Variants in CELA3B observed in about 807,000 individuals in gnomAD.
The protein encoded by CELA3B is chymotrypsin like elastase 3B.
A neutral mutation model predicts 37.2 loss-of-function variants in CELA3B; 34 were observed. The ratio of observed to expected loss-of-function variants is 0.91; its 90% CI spans 0.70 to 1.22. The LOEUF (loss-of-function observed/expected upper bound fraction) is 1.22, where lower values mean the gene tolerates loss of function less well. Ranked by LOEUF, CELA3B falls within the 50% of genes most tolerant of loss-of-function variation. The pLI is 0.00. For synonymous variants in CELA3B, 127 were observed against 143.5 expected, an observed-to-expected ratio of 0.89 and a Z score of 0.82; for missense variants, 340 against 363.1, an observed-to-expected ratio of 0.94 and a Z score of 0.52.
intron 6 of CELA3B, among the ~76,000 whole-genome samples, chr1:21,985,340 C>T (rs1644831340): frequency 6.6e-6 from 1 of 151,192 alleles, no homozygotes; most frequent in African/African-American, 2.4e-5. Flanking sequence ...TGCAGTAACG[C>T]CATCACAGCC....
chr1:21,984,037 G>A (rs1557865909), intron 5 of CELA3B, 152 bp from the exon 6 acceptor site: 5 of 1,241,268 alleles, frequency 4.0e-6, no homozygotes, highest in East Asian at 2.3e-5. Flanking sequence ...TGCTAGGGAT[G>A]TAATGGTGCA....
rs140887498 is a variant in CELA3B at position 21,984,203 on chromosome 1, C to T, written c.514C>T (p.Pro172Ser). 1.8e-4 allele frequency: 293 copies of T among 1,613,832 alleles called. No homozygotes were observed. In the African/African-American group the frequency reaches 3.5e-3, roughly 19 times the overall value. The part of the protein sequence containing the change: ...WGRLYTNGPL[P>S]DKLQEALLPV... ...TATCGCTGCAGCCAACGGGCCACTCCCAGACAAGCTGCAGGAGGCCCTGCT... is the reference window on the plus strand; with the variant it reads ...TATCGCTGCAGCCAACGGGCCACTCTCAGACAAGCTGCAGGAGGCCCTGCT... Residue 172 changes from proline to serine, a missense_variant, in exon 6 of 8, where the codon CCA (proline) becomes TCA (serine). Pro to Ser is a moderately conservative substitution (Grantham distance 74). Coordinates refer to ENST00000337107, the MANE Select transcript of CELA3B (RefSeq NM_007352.4).
At position 21,984,269 on chromosome 1, in the gene CELA3B, T is replaced by C. The variant is rs754876226; in HGVS notation, c.580T>C (p.Trp194Arg). Residue 194 changes from tryptophan to arginine, a missense_variant, in exon 6 of 8, where the codon TGG (tryptophan) becomes CGG (arginine). Physicochemically the swap from Trp to Arg is moderately radical, Grantham distance 101. Transcript: ENST00000337107. The stretch of plus-strand genomic sequence containing the variant: ...TGAACACTGCTCCAGGTGGAACTGG[T>C]GGGGTTCCTCCGTGAAGAAGACCAT... ...DYEHCSRWNW[W>R]GSSVKKTMVC... 1.9e-6 allele frequency: 3 copies of C among 1,614,134 alleles called. No individual in the cohort carries two copies. Among genetic ancestry groups the C allele is most frequent in the Non-Finnish European group, 2.5e-6 (3 of 1,180,010 alleles).
At position 21,981,191 on chromosome 1, in the gene CELA3B, C is replaced by T. The variant is rs1266431556; in HGVS notation, c.362+19C>T. On this transcript the variant is annotated intron_variant, in intron 4 of 7. Transcript: ENST00000337107. ...CCTGTGGGTGAGTGAATGCTCCGGT[C>T]TGGAACCCAGAGGCTCCTCTACTCA... 6.2e-7 allele frequency: 1 copy of T among 1,609,728 alleles called. No homozygotes were observed. The highest frequency in any genetic ancestry group is 8.5e-7 in the Non-Finnish European group (1 of 1,179,194).
intron 4 of CELA3B, among the ~76,000 whole-genome samples, chr1:21,981,624 C>A (rs1042693143): frequency 4.6e-5 from 7 of 152,008 alleles, no homozygotes; most frequent in South Asian, 2.1e-4. Context: ...CTTCTCTGGG[C>A]CTTAGTTTTG....
At chr1:21,997,350 CAAAA>C (rs34966019) in intron 4 of CELA3B, among the ~76,000 whole-genome samples, 1 of 117,314 alleles carries the variant, frequency 8.5e-6, no homozygotes. Context: ...CGACTCATCT[CAAAA>C]AAAAAAAAAA....
chr1:21,988,984 C>T (rs1201738295), intron 7 of CELA3B, among the ~76,000 whole-genome samples: 2 of 151,974 alleles, frequency 1.3e-5, no homozygotes, highest in Non-Finnish European at 1.5e-5. Flanking sequence ...TATATACACA[C>T]ACACACATAT....
In CELA3B at chr1:21,978,492, G is replaced by A. The variant is rs376043918; in HGVS notation, c.129+38G>A. ...GCAGCTGCCCTCATTCCCACCGTGGGCTCTGGACCCTAAGCTCTAATGGCG... is the reference window on the plus strand; with the variant it reads ...GCAGCTGCCCTCATTCCCACCGTGGACTCTGGACCCTAAGCTCTAATGGCG... On this transcript the variant is annotated intron_variant, in intron 2 of 7. Transcript: ENST00000337107. The A allele has an allele frequency of 3.2e-5, 51 of 1,609,202 alleles. 1 individual carries two copies. The highest frequency in any genetic ancestry group is 4.3e-5 in the Non-Finnish European group (50 of 1,175,568).
At position 21,981,480 on chromosome 1, in the gene CELA3B, G is replaced by C. The variant is rs375904367; in HGVS notation, c.362+308G>C. Among the ~76,000 whole-genome samples the C allele has an allele frequency of 4.5e-4, 68 of 151,820 alleles. 3 individuals carry two copies. In the East Asian group the frequency reaches 0.011, roughly 24 times the overall value. The stretch of plus-strand genomic sequence containing the variant: ...CCTCTGGCATCCTTCCCCCAAAGCC[G>C]AGGGTTTCTCCATTCAATAGATGGC... On this transcript the variant is annotated intron_variant, in intron 4 of 7. Transcript: ENST00000337107.
intron 6 of CELA3B, among the ~76,000 whole-genome samples, chr1:21,985,280 CTT>C (rs550752207): frequency 6.9e-5 from 10 of 145,572 alleles, no homozygotes; most frequent in Admixed American, 6.9e-5. Context: ...AAGATGTTGT[CTT>C]TTTTTTTTTT....
chr1:21,996,231 C>G (rs757455421), intron 4 of CELA3B, among the ~76,000 whole-genome samples: 1 of 150,970 alleles, frequency 6.6e-6, no homozygotes, highest in Non-Finnish European at 1.5e-5. Flanking sequence ...GGGCTGCATT[C>G]CCAGACAGAT....
chr1:21,978,335 T>A lies in CELA3B; in HGVS notation c.44-34T>A, dbSNP rs1644783419. The A allele has an allele frequency of 4.3e-6, 7 of 1,612,866 alleles. No homozygotes were observed. The East Asian group carries it at 1.6e-4, about 36-fold the overall frequency. Reference sequence around the variant, plus strand: ...GCCTCCTCTTTGCTTTTGGGGACCCTCCCGCTGATTGACAGCTCTCCTCTC... The same window carrying A: ...GCCTCCTCTTTGCTTTTGGGGACCCACCCGCTGATTGACAGCTCTCCTCTC... On this transcript the variant is annotated intron_variant, in intron 1 of 7. Transcript: ENST00000337107.
downstream of CELA3B, among the ~76,000 whole-genome samples, chr1:21,992,131 G>T (rs371278982): frequency 8.1e-6 from 1 of 123,666 alleles, no homozygotes; most frequent in African/African-American, 2.7e-5. Context: ...AAAAAAAAAA[G>T]AAGGAGCTGT....
At chr1:21,996,621 C>T (rs1487418790) in intron 4 of CELA3B, among the ~76,000 whole-genome samples, 1 of 151,258 alleles carries the variant, frequency 6.6e-6, no homozygotes, top group Non-Finnish European at 1.5e-5. Flanking sequence ...TCTACGAACT[C>T]GCCCTGAATT....
chr1:21,978,294 T>G, intron 1 of CELA3B, 75 bp from the exon 2 acceptor site: 1 of 1,562,014 alleles, frequency 6.4e-7, no homozygotes, highest in Non-Finnish European at 8.8e-7. Flanking sequence ...AAGGCACGGC[T>G]TGGACTGGGA....
intron 4 of CELA3B, among the ~76,000 whole-genome samples, chr1:21,981,879 C>A (rs1644807168): frequency 6.6e-6 from 1 of 152,056 alleles, no homozygotes; most frequent in East Asian, 1.9e-4. Context: ...GCGCCCGCCA[C>A]CACGCCTGGC....
chr1:21,989,623 C>T (rs1644860717), downstream of CELA3B, among the ~76,000 whole-genome samples: 1 of 149,482 alleles, frequency 6.7e-6, no homozygotes, highest in Admixed American at 6.7e-5. Flanking sequence ...AGTATATAGT[C>T]GCACATAAGT....
intron 7 of CELA3B, chr1:21,986,916 A>C: frequency 1.8e-6 from 1 of 565,710 alleles, no homozygotes; most frequent in South Asian, 2.0e-5. Flanking sequence ...TCCTTATTTC[A>C]ACAAGTATTT....
In CELA3B at chr1:21,985,892, GA is replaced by G. The variant is rs552316251; in HGVS notation, c.643-630del. ...GGCGACAGAGCGAGACACTGACTCAGAAAAAAAAAGAATACTATCAAATACC... is the reference window on the plus strand; with the variant it reads ...GGCGACAGAGCGAGACACTGACTCAGAAAAAAAAGAATACTATCAAATACC... On this transcript the variant is annotated intron_variant, in intron 6 of 7. Transcript: ENST00000337107. Among the ~76,000 whole-genome samples, 1,182 of 125,510 alleles carry G rather than the reference GA, an allele frequency of 9.4e-3. 19 individuals carry two copies. The highest frequency in any genetic ancestry group is 0.034 in the African/African-American group (1,107 of 32,878). 82.3% of individuals were successfully genotyped at this position (125,510 alleles called of 152,430 possible). A position where few individuals can be genotyped will look rare whatever the true frequency, so the allele number is the denominator to read the frequency against.
Sources: gnomAD v4.1 joint callset for allele counts (sites outside exome capture counted in the v4.1 genomes callset) on GRCh38, gnomAD v4.1.1 for gene constraint, MANE v1.5 for transcripts, NCBI Gene and HGNC (gene_info 2026-07-23, HGNC 2026-07-21) for gene names.